The following THEM4 variants were observed in gnomAD, a reference collection of about 807,000 sequenced individuals.
THEM4 encodes acyl-coenzyme A thioesterase THEM4.
Under a neutral mutation model 25.0 loss-of-function variants are expected in THEM4, and 22 were observed. The observed-to-expected ratio is 0.88, with a 90% CI of 0.63 to 1.26. The LOEUF (loss-of-function observed/expected upper bound fraction) is 1.26, where lower values mean the gene tolerates loss of function less well. THEM4 is among the 50% of genes most tolerant of loss of function. THEM4 has a pLI of 0.00. For synonymous variants in THEM4, 113 were observed against 105.6 expected (o/e 1.07, Z -0.43); for missense variants, 286 against 300.3 (o/e 0.95, Z 0.35).
chr1:151,878,937 G>T, intron 4 of THEM4, among the ~76,000 whole-genome samples: 1 of 56,326 alleles, frequency 1.8e-5, no homozygotes, highest in African/African-American at 6.6e-5. Context: ...CACTGGAAAG[G>T]CATAACAAAG....
At chr1:151,875,861 T>C (rs533282604) in intron 5 of THEM4, among the ~76,000 whole-genome samples, 5 of 152,362 alleles carry the variant, frequency 3.3e-5, no homozygotes, top group African/African-American at 1.2e-4. Flanking sequence ...TTTGCATTCC[T>C]CTGTAAAGCT....
chr1:151,895,298 A>G, intron 1 of THEM4, 104 bp from the exon 2 acceptor site: 1 of 1,026,414 alleles, frequency 9.7e-7, no homozygotes, highest in Middle Eastern at 2.2e-4. Context: ...TCTTCTCCCC[A>G]TAAGCTTGTC....
intron 4 of THEM4, among the ~76,000 whole-genome samples, chr1:151,884,018 T>C (rs1653903522): frequency 6.6e-6 from 1 of 151,628 alleles, no homozygotes; most frequent in African/African-American, 2.4e-5. Context: ...GAGGTTGCAG[T>C]GAGCTGAGAT....
Position 151,877,092 on chromosome 1 carries a change from A to T in THEM4, c.591T>A (p.Asn197Lys), listed in dbSNP as rs1488415267. Residue 197 changes from asparagine (N) to lysine (K), a missense_variant, in exon 5 of 6, where the codon AAT becomes AAA. Asn to Lys is a moderately conservative substitution (Grantham distance 94, BLOSUM62 0). Coordinates refer to ENST00000368814, the MANE Select transcript of THEM4 (RefSeq NM_053055.5). ...TTCCTTCAACTTTATCAAGTTGGCT[A>T]TTTATCATAACAACAGAACAAAGAG... ...PIPLCSVVMI[N>K]SQLDKVEGRK... is the part of the protein sequence containing the mutation. The T allele has an allele frequency of 2.5e-6, 4 of 1,613,462 alleles. No individual in the cohort carries two copies. Among genetic ancestry groups the T allele is most frequent in the Non-Finnish European group, 3.4e-6 (4 of 1,179,802 alleles).
At position 151,894,989 on chromosome 1, in the gene THEM4, G is replaced by C. The variant is rs1236817194; in HGVS notation, c.286+19C>G. 1.2e-6 allele frequency: 2 copies of C among 1,612,230 alleles called. No homozygotes were observed. Among genetic ancestry groups the C allele is most frequent in the Non-Finnish European group, 1.7e-6 (2 of 1,178,600 alleles). ...TATTTGATGCTCAGATATATTAATG[G>C]GAAAGTGGCTGTTTCTACCAAGAAA... On this transcript the variant is annotated intron_variant, in intron 2 of 5. Transcript: ENST00000368814.
At chr1:151,897,485 G>C (rs1284272001) in intron 1 of THEM4, among the ~76,000 whole-genome samples, 6 of 152,170 alleles carry the variant, frequency 3.9e-5, no homozygotes, top group African/African-American at 9.7e-5. Flanking sequence ...CTTCAGTTTT[G>C]GGACTCTGAC....
Position 151,903,980 on chromosome 1 carries a change from G to A in THEM4, c.99+5380C>T, listed in dbSNP as rs572669871. On this transcript the variant is annotated intron_variant, in intron 1 of 5. Coordinates refer to ENST00000368814, the MANE Select transcript of THEM4 (RefSeq NM_053055.5). Reference sequence around the variant, plus strand: ...AAAACAGAGAGAAGACTTAGACCCTGCCTTCAAGTGTTAGCAGCCTTGGAT... The same window carrying A: ...AAAACAGAGAGAAGACTTAGACCCTACCTTCAAGTGTTAGCAGCCTTGGAT... Among the ~76,000 whole-genome samples the A allele has an allele frequency of 2.0e-5, 3 of 152,322 alleles. No individual in the cohort carries two copies. In the South Asian group the frequency reaches 6.2e-4, roughly 32 times the overall value.
chr1:151,877,709 G>A lies in THEM4; in HGVS notation c.558-584C>T, dbSNP rs547119152. 7.2e-5 allele frequency among the ~76,000 whole-genome samples: 11 copies of A among 152,270 alleles called. No homozygotes were observed. In the South Asian group the frequency reaches 2.3e-3, roughly 32 times the overall value. On this transcript the variant is annotated intron_variant, in intron 4 of 5. Coordinates refer to ENST00000368814, the MANE Select transcript of THEM4 (RefSeq NM_053055.5). The stretch of plus-strand genomic sequence containing the variant: ...AGCCACATGTGCCTAATGAGCACTT[G>A]AAATGTGGCTAGCATAACTGAGAAG...
At chr1:151,894,735 G>A in intron 2 of THEM4, 1 of 587,668 alleles carries the variant, frequency 1.7e-6, no homozygotes, top group Non-Finnish European at 3.0e-6. Context: ...TGATGAGGTT[G>A]TAGGAGGGTG....
At chr1:151,887,710 A>G (rs558560466) in intron 4 of THEM4, among the ~76,000 whole-genome samples, 3 of 152,200 alleles carry the variant, frequency 2.0e-5, no homozygotes, top group East Asian at 3.9e-4. Flanking sequence ...ATCCTAGCTC[A>G]CTGTAGCCTT....
At chr1:151,908,890 A>AT (rs1654533522) in intron 1 of THEM4, among the ~76,000 whole-genome samples, 1 of 152,096 alleles carries the variant, frequency 6.6e-6, no homozygotes, top group Non-Finnish European at 1.5e-5. Flanking sequence ...GTGTAGTTAT[A>AT]TATGTGTTGT....
intron 2 of THEM4, among the ~76,000 whole-genome samples, chr1:151,891,898 G>A (rs1209672912): frequency 6.6e-6 from 1 of 152,138 alleles, no homozygotes; most frequent in Non-Finnish European, 1.5e-5. Context: ...CAACAAGGAG[G>A]AGAAGAAGAG....
At position 151,902,547 on chromosome 1, in the gene THEM4, G is replaced by A. The variant is rs545388302; in HGVS notation, c.99+6813C>T. Among the ~76,000 whole-genome samples, 49 of 152,310 alleles carry A rather than the reference G, an allele frequency of 3.2e-4. 1 individual carries two copies. Among genetic ancestry groups the A allele is most frequent in the Middle Eastern group, 3.4e-3 (1 of 294 alleles). ...TAAAAGACTATAAATATGGTGCAGT[G>A]TATAATGCTCAGGTGATGGGTGCAC... On this transcript the variant is annotated intron_variant, in intron 1 of 5. Transcript: ENST00000368814.
chr1:151,872,144 GCCCCCAT>G lies in THEM4; in HGVS notation c.*2737_*2743del, dbSNP rs58399942. On this transcript the variant is annotated 3_prime_UTR_variant, in exon 6 of 6. Transcript: ENST00000368814. ...GAACTGCCAGCTTCACCCCTGCAGT[GCCCCCAT>G]GTCTGCTGGGCCCTTGCAACTTGAG... Among the ~76,000 whole-genome samples the G allele has an allele frequency of 0.031, 4,743 of 152,182 alleles. 260 individuals carry two copies. The highest frequency in any genetic ancestry group is 0.11 in the African/African-American group (4,521 of 41,486).
intron 4 of THEM4, among the ~76,000 whole-genome samples, chr1:151,885,727 T>A (rs1179169864): frequency 6.6e-6 from 1 of 152,252 alleles, no homozygotes; most frequent in Non-Finnish European, 1.5e-5. Flanking sequence ...CATCACTAGT[T>A]TGACCTGCTT....
rs562874339 is a variant in THEM4, at chr1:151,907,838, G to A, written c.99+1522C>T. Among the ~76,000 whole-genome samples, 440 of 152,340 alleles carry A rather than the reference G, an allele frequency of 2.9e-3. 4 individuals carry two copies. Among genetic ancestry groups the A allele is most frequent in the Middle Eastern group, 0.014 (4 of 294 alleles). ...TGCACTCACAAGACAGTTGGGTGGG[G>A]TAGCTCCCTGGCCCCACTTCTTTAC... On this transcript the variant is annotated intron_variant, in intron 1 of 5. Transcript: ENST00000368814.
intron 1 of THEM4, among the ~76,000 whole-genome samples, chr1:151,903,296 A>T (rs928381485): frequency 6.6e-6 from 1 of 152,174 alleles, no homozygotes; most frequent in Non-Finnish European, 1.5e-5. Context: ...ATTTTTCCTA[A>T]TATACTTGTA....
chr1:151,897,056 G>A (rs1045093071), intron 1 of THEM4, among the ~76,000 whole-genome samples: 2 of 152,194 alleles, frequency 1.3e-5, no homozygotes, highest in Non-Finnish European at 2.9e-5. Context: ...GAACATTGCA[G>A]GGATCCTAGA....
At position 151,877,056 on chromosome 1, in the gene THEM4, A is replaced by C; in HGVS notation, c.627T>G (p.Phe209Leu). The change falls in exon 5 of 6, where the codon TTT becomes TTG. Residue 209 changes from phenylalanine to leucine, a missense_variant. Phe to Leu is a conservative substitution (Grantham distance 22). Coordinates refer to ENST00000368814, the MANE Select transcript of THEM4 (RefSeq NM_053055.5). ...QLDKVEGRKF[F>L]VSCNVQSVDE... ...CAACACTCTGAACATTACAGGAAAC[A>C]AAAAATTTCCTTCCTTCAACTTTAT... The C allele has an allele frequency of 1.2e-6, 2 of 1,613,758 alleles. No individual in the cohort carries two copies. The highest frequency in any genetic ancestry group is 1.7e-6 in the Non-Finnish European group (2 of 1,179,776).
Sources: gnomAD v4.1 joint callset for allele counts (sites outside exome capture counted in the v4.1 genomes callset) on GRCh38, gnomAD v4.1.1 for gene constraint, MANE v1.5 for transcripts, NCBI Gene and HGNC (gene_info 2026-07-23, HGNC 2026-07-21) for gene names.